The following DAPK1 variants were observed in gnomAD, a reference collection of about 807,000 sequenced individuals.
DAPK1 encodes the protein death-associated protein kinase 1.
A neutral mutation model predicts 144.9 loss-of-function variants in DAPK1; 56 were observed. The observed-to-expected ratio is 0.39, with a 90% CI of 0.31 to 0.48. The LOEUF is 0.48. Among genes scored for constraint, DAPK1 ranks in the 20% least tolerant of loss-of-function variants. The pLI is 0.95. For missense variants in DAPK1, 1,454 were observed against 1,875.4 expected (o/e 0.78, Z 4.15); for synonymous variants, 690 against 749.0 (o/e 0.92, Z 1.29).
At chr9:87,633,200 G>T (rs972860646) in intron 3 of DAPK1, 9 of 983,026 alleles carry the variant, frequency 9.2e-6, no homozygotes, top group Middle Eastern at 5.2e-4. Context: ...TATATGTAGG[G>T]ATGAAGGAGA....
chr9:87,530,784 T>G (rs4878092), intron 2 of DAPK1, among the ~76,000 whole-genome samples: 2 of 151,894 alleles, frequency 1.3e-5, no homozygotes, highest in African/African-American at 4.8e-5. Context: ...AGGGGAGCCT[T>G]CTTGTCGCAG....
intron 9 of DAPK1, among the ~76,000 whole-genome samples, chr9:87,641,723 G>A (rs1265184676): frequency 1.3e-5 from 2 of 152,098 alleles, no homozygotes; most frequent in African/African-American, 2.4e-5. Context: ...GTGGAAAGTT[G>A]TGATTTAGTT....
intron 2 of DAPK1, among the ~76,000 whole-genome samples, chr9:87,566,282 A>G (rs1018466021): frequency 3.3e-5 from 5 of 152,002 alleles, no homozygotes; most frequent in Non-Finnish European, 7.4e-5. Flanking sequence ...CGGCCTCCCA[A>G]AGTGCTGGGA....
At chr9:87,684,586 C>T (rs1171224039) in intron 20 of DAPK1, among the ~76,000 whole-genome samples, 1 of 152,176 alleles carries the variant, frequency 6.6e-6, no homozygotes, top group Non-Finnish European at 1.5e-5. Flanking sequence ...GCACACATCA[C>T]TCAGCTGTGG....
At chr9:87,632,922 A>AGG in intron 3 of DAPK1, 1 of 923,350 alleles carries the variant, frequency 1.1e-6, no homozygotes, top group South Asian at 5.1e-5. Flanking sequence ...ATATATATAT[A>AGG]AATGAAGGGT....
At chr9:87,590,690 C>T (rs1439027194) in intron 2 of DAPK1, among the ~76,000 whole-genome samples, 1 of 152,072 alleles carries the variant, frequency 6.6e-6, no homozygotes, top group Non-Finnish European at 1.5e-5. Context: ...CGGGCTCAAG[C>T]CATCCTCTCA....
At chr9:87,600,862 C>T (rs1335898843) in intron 2 of DAPK1, among the ~76,000 whole-genome samples, 2 of 152,182 alleles carry the variant, frequency 1.3e-5, no homozygotes, top group African/African-American at 4.8e-5. Flanking sequence ...GGACAAGCGC[C>T]CCCAGCGTGG....
intron 1 of DAPK1, among the ~76,000 whole-genome samples, chr9:87,498,375 G>GGGCCGCTCCCTTCCCTCCCTT (rs1824262062): frequency 6.6e-6 from 1 of 152,174 alleles, no homozygotes; most frequent in South Asian, 2.1e-4. Context: ...GCGCCTCGGT[G>GGGCCGCTCCCTTCCCTCCCTT]GGCCGCTCCC....
intron 3 of DAPK1, among the ~76,000 whole-genome samples, chr9:87,625,416 C>CAGACATGGCTCCAGACTGGCTCCAG (rs1829458173): frequency 6.6e-6 from 1 of 152,210 alleles, no homozygotes; most frequent in Admixed American, 6.5e-5. Context: ...TAAATGCTAC[C>CAGACATGGCTCCAGACTGGCTCCAG]ACATGGCCAG....
chr9:87,631,143 C>T (rs944619538), intron 3 of DAPK1, among the ~76,000 whole-genome samples: 14 of 152,132 alleles, frequency 9.2e-5, no homozygotes, highest in African/African-American at 3.1e-4. Context: ...ATTTCTTCCA[C>T]TCTGAAGAAT....
intron 4 of DAPK1, among the ~76,000 whole-genome samples, chr9:87,638,355 TAA>T (rs1266283548): frequency 2.3e-5 from 2 of 86,556 alleles, no homozygotes; most frequent in African/African-American, 1.1e-4. Context: ...GGTTTTTTAG[TAA>T]GGGGGCTGCT....
chr9:87,567,320 A>T (rs1827164741), intron 2 of DAPK1, among the ~76,000 whole-genome samples: 1 of 152,196 alleles, frequency 6.6e-6, no homozygotes, highest in Non-Finnish European at 1.5e-5. Flanking sequence ...GGAAAAGGGA[A>T]ATCCTGCCAA....
intron 2 of DAPK1, among the ~76,000 whole-genome samples, chr9:87,512,007 C>T (rs1006444955): frequency 1.4e-4 from 21 of 152,052 alleles, no homozygotes; most frequent in African/African-American, 1.7e-4. Context: ...CCACCACGCC[C>T]GGCCTGATTT....
chr9:87,620,113 G>A (rs1020656805), intron 3 of DAPK1, among the ~76,000 whole-genome samples: 5 of 152,156 alleles, frequency 3.3e-5, no homozygotes, highest in East Asian at 1.9e-4. Flanking sequence ...CCAGCAGAGC[G>A]GGGTTTCAGG....
chr9:87,595,075 A>C (rs1222043523), intron 2 of DAPK1, among the ~76,000 whole-genome samples: 3 of 152,236 alleles, frequency 2.0e-5, no homozygotes, highest in Non-Finnish European at 2.9e-5. Context: ...GTGAATATAG[A>C]GTCCACTTCC....
At chr9:87,560,165 AT>A (rs35103434) in intron 2 of DAPK1, among the ~76,000 whole-genome samples, 66,332 of 148,140 alleles carry the variant, frequency 0.45, 17,351 homozygotes, top group African/African-American at 0.73. Context: ...TAATTTTTGT[AT>A]TTTTTTTTTA....
intron 2 of DAPK1, among the ~76,000 whole-genome samples, chr9:87,548,857 G>C (rs1375273344): frequency 6.8e-6 from 1 of 147,048 alleles, no homozygotes; most frequent in East Asian, 2.1e-4. Context: ...CTCCACAGTA[G>C]GTTGTAAAGA....
intron 2 of DAPK1, among the ~76,000 whole-genome samples, chr9:87,536,278 A>G (rs1402924195): frequency 1.3e-5 from 2 of 152,120 alleles, no homozygotes; most frequent in Admixed American, 6.6e-5. Context: ...AGAGCTCCCA[A>G]ACATGTTCTC....
At chr9:87,646,333 C>T (rs1460752447) in intron 12 of DAPK1, 128 bp from the exon 13 acceptor site, 3 of 714,780 alleles carry the variant, frequency 4.2e-6, no homozygotes, top group South Asian at 3.8e-5. Context: ...GTCTTCTCTT[C>T]CTGCCACGCA....
Sources: allele counts gnomAD v4.1 joint callset (sites outside exome capture counted in the v4.1 genomes callset), GRCh38; gene constraint gnomAD v4.1.1; transcripts MANE v1.5; gene names NCBI Gene and HGNC (gene_info 2026-07-23, HGNC 2026-07-21).